Variants in HIPK2 observed in about 807,000 individuals in gnomAD.
HIPK2 encodes the protein homeodomain-interacting protein kinase 2.
Under a neutral mutation model 113.7 loss-of-function variants are expected in HIPK2, and 27 were observed. That is an observed-to-expected ratio of 0.24 (90% confidence interval 0.17 to 0.33). HIPK2 has a LOEUF of 0.33. Ranked by LOEUF, HIPK2 falls within the 10% of genes least tolerant of loss-of-function variation. HIPK2 has a pLI of 1.00. For synonymous variants in HIPK2, 631 were observed against 642.2 expected, an observed-to-expected ratio of 0.98 and a Z score of 0.26; for missense variants, 1,257 against 1,588.0, an observed-to-expected ratio of 0.79 and a Z score of 3.54.
At chr7:139,575,351 C>T (rs984430726) in intron 13 of HIPK2, 63 bp from the exon 14 acceptor site, 2 of 1,493,506 alleles carry the variant, frequency 1.3e-6, no homozygotes, top group Non-Finnish European at 1.8e-6. Flanking sequence ...GAAGATGCTA[C>T]CCCACCAGAG....
intron 11 of HIPK2, among the ~76,000 whole-genome samples, chr7:139,599,342 C>T (rs112052925): frequency 6.6e-6 from 1 of 152,228 alleles, no homozygotes; most frequent in Non-Finnish European, 1.5e-5. Context: ...CATAACCCCC[C>T]CTACAATCCA....
chr7:139,609,345 C>A (rs899282295), intron 9 of HIPK2, among the ~76,000 whole-genome samples: 2 of 152,090 alleles, frequency 1.3e-5, no homozygotes, highest in African/African-American at 4.8e-5. Flanking sequence ...CTCTGGGTGC[C>A]CCACAGAGGC....
chr7:139,566,108 C>T lies in HIPK2; in HGVS notation c.*6819G>A, dbSNP rs375264146. ...CCAGAGATTTTCTCTAAAAATCAAA[C>T]GAATTCTGCCCCTTTTGCCTAAATC... On this transcript the variant is annotated 3_prime_UTR_variant, in exon 15 of 15. Coordinates refer to ENST00000406875, the MANE Select transcript of HIPK2 (RefSeq NM_022740.5). This position sits in a 1 kb window ranked among gnomAD's most constrained non-coding sequence, Gnocchi z 4.1. The T allele has an allele frequency of 4.6e-5, 7 of 152,156 alleles. No homozygotes were observed. The highest frequency in any genetic ancestry group is 1.7e-4 in the African/African-American group (7 of 41,418). 9.4% of individuals were successfully genotyped at this position (152,156 alleles called of 1,614,324 possible). A position where few individuals can be genotyped will look rare whatever the true frequency, so the allele number is the denominator to read the frequency against.
chr7:139,709,118 T>C (rs1445807231), intron 2 of HIPK2, among the ~76,000 whole-genome samples: 1 of 152,156 alleles, frequency 6.6e-6, no homozygotes, highest in Non-Finnish European at 1.5e-5. Context: ...CCTACATAAC[T>C]TATTGATTAC....
Position 139,573,356 on chromosome 7 carries a change from T to G in HIPK2, c.3168A>C (p.Arg1056=). The stretch of plus-strand genomic sequence containing the variant: ...TGGGAGTGATGTAGGCCTGCTGCCT[T>G]CGGTGGCTCCCAGTGCGGTCCGTGG... ...HITTDRTGSH[R]RQQAYITPTM... is the part of the protein sequence containing the mutation. The change falls in exon 15 of 15, where the codon CGA becomes CGC. Residue 1056 remains arginine, a synonymous_variant. Coordinates refer to ENST00000406875, the MANE Select transcript of HIPK2 (RefSeq NM_022740.5). The G allele has an allele frequency of 6.2e-7, 1 of 1,605,062 alleles. No homozygotes were observed. The highest frequency in any genetic ancestry group is 8.5e-7 in the Non-Finnish European group (1 of 1,179,782).
At chr7:139,580,567 T>C (rs1169976378) in intron 13 of HIPK2, among the ~76,000 whole-genome samples, 1 of 152,224 alleles carries the variant, frequency 6.6e-6, no homozygotes, top group East Asian at 1.9e-4. Flanking sequence ...GTCCAGCTAC[T>C]CTCCGTGATC....
intron 10 of HIPK2, among the ~76,000 whole-genome samples, chr7:139,603,622 T>C (rs1385627028): frequency 6.6e-6 from 1 of 152,178 alleles, no homozygotes; most frequent in East Asian, 1.9e-4. Flanking sequence ...AGCCATCCCG[T>C]GGGAGGTCAG....
chr7:139,602,179 C>T (rs1273095080), intron 10 of HIPK2, among the ~76,000 whole-genome samples: 1 of 152,124 alleles, frequency 6.6e-6, no homozygotes, highest in Non-Finnish European at 1.5e-5. Context: ...TCTCAAACTC[C>T]TGACCTCAGG....
chr7:139,699,427 C>T (rs1053834557), intron 2 of HIPK2, among the ~76,000 whole-genome samples: 2 of 152,162 alleles, frequency 1.3e-5, no homozygotes, highest in Non-Finnish European at 2.9e-5. Context: ...GCTCCCTCCC[C>T]GCCTCCTCTT....
chr7:139,597,960 A>C (rs4732390), intron 11 of HIPK2, among the ~76,000 whole-genome samples: 30,573 of 152,156 alleles, frequency 0.2, 3,673 homozygotes, highest in African/African-American at 0.34. Context: ...AATGAGATAT[A>C]TTGGGGATGA....
chr7:139,634,465 C>A (rs967610451), intron 2 of HIPK2, among the ~76,000 whole-genome samples: 2 of 152,016 alleles, frequency 1.3e-5, no homozygotes, highest in Non-Finnish European at 2.9e-5. Context: ...CCCTGCTGCA[C>A]CCTTGTCTTC....
In HIPK2 at chr7:139,565,352, T is replaced by C. The variant is rs891573923; in HGVS notation, c.*7575A>G. 1 of 152,114 alleles carries C rather than the reference T, an allele frequency of 6.6e-6. No individual in the cohort carries two copies. Among genetic ancestry groups the C allele is most frequent in the African/African-American group, 2.4e-5 (1 of 41,414 alleles). 9.4% of individuals were successfully genotyped at this position (152,114 alleles called of 1,614,324 possible). A position where few individuals can be genotyped will look rare whatever the true frequency, so the allele number is the denominator to read the frequency against. ...AACTTGTGTAAACTACCTAAGAATT[T>C]AGGCAAACAAGCCTGGAGCCAGTCA... On this transcript the variant is annotated 3_prime_UTR_variant, in exon 15 of 15. Coordinates refer to ENST00000406875, the MANE Select transcript of HIPK2 (RefSeq NM_022740.5).
Position 139,683,031 on chromosome 7 carries a change from G to C in HIPK2, c.1103+32901C>G, listed in dbSNP as rs1794095153. On this transcript the variant is annotated intron_variant, in intron 2 of 14. Transcript: ENST00000406875. This position sits in a 1 kb window ranked among gnomAD's most constrained non-coding sequence, Gnocchi z 4.2. ...AGACTTTCTGGTGGGAGAGAAAGGA[G>C]AATGTGTGTTCTCTCTTAAATATAA... is the stretch of plus-strand genomic sequence containing the variant. Among the ~76,000 whole-genome samples the C allele has an allele frequency of 6.6e-6, 1 of 152,190 alleles. No homozygotes were observed. The highest frequency in any genetic ancestry group is 1.5e-5 in the Non-Finnish European group (1 of 68,036).
intron 2 of HIPK2, among the ~76,000 whole-genome samples, chr7:139,715,472 C>T (rs1268735012): frequency 1.3e-5 from 2 of 152,226 alleles, no homozygotes; most frequent in African/African-American, 4.8e-5. Flanking sequence ...ATTCCTTGAT[C>T]TGATATTTAA....
intron 2 of HIPK2, among the ~76,000 whole-genome samples, chr7:139,651,646 G>A (rs1280713639): frequency 6.6e-6 from 1 of 152,194 alleles, no homozygotes; most frequent in African/African-American, 2.4e-5. Context: ...ACACTTACAT[G>A]AAATCACTGC....
intron 1 of HIPK2, among the ~76,000 whole-genome samples, chr7:139,728,086 TGC>T (rs1795642613): frequency 6.6e-6 from 1 of 151,886 alleles, no homozygotes; most frequent in South Asian, 2.1e-4. Flanking sequence ...ATTACAGGTG[TGC>T]GCCATCATGC....
Position 139,568,493 on chromosome 7 carries a change from A to G in HIPK2, c.*4434T>C, listed in dbSNP as rs1386065464. 1.3e-5 allele frequency: 2 copies of G among 152,244 alleles called. No individual in the cohort carries two copies. Among genetic ancestry groups the G allele is most frequent in the East Asian group, 1.9e-4 (1 of 5,186 alleles). The allele number at this position is 152,244 out of a possible 1,614,324, so 9.4% of individuals were successfully genotyped here. ...GCCCACGTCCAGACGGGCCAGTCAG[A>G]ACCCAGTGAGCAGAAGCAAATTGCC... On this transcript the variant is annotated 3_prime_UTR_variant, in exon 15 of 15. Transcript: ENST00000406875.
intron 2 of HIPK2, among the ~76,000 whole-genome samples, chr7:139,672,986 G>A (rs1010450462): frequency 2.0e-5 from 3 of 151,992 alleles, no homozygotes; most frequent in African/African-American, 7.3e-5. Flanking sequence ...AAGCCCATAA[G>A]GTAACATTTA....
intron 1 of HIPK2, among the ~76,000 whole-genome samples, chr7:139,722,317 C>T (rs1795436255): frequency 6.6e-6 from 1 of 152,138 alleles, no homozygotes; most frequent in African/African-American, 2.4e-5. Context: ...TTCCTTATTA[C>T]CATAAAGCTG....
Sources: allele counts gnomAD v4.1 joint callset (sites outside exome capture counted in the v4.1 genomes callset), GRCh38; gene constraint gnomAD v4.1.1; non-coding constraint Gnocchi (gnomAD v3.1); transcripts MANE v1.5; gene names NCBI Gene and HGNC (gene_info 2026-07-23, HGNC 2026-07-21).